The following CEP83 variants were observed in gnomAD, a reference collection of about 807,000 sequenced individuals.
CEP83 encodes the protein centrosomal protein of 83 kDa.
In CEP83, 70 loss-of-function variants were observed where a neutral mutation model predicts 101.9. That is an observed-to-expected ratio of 0.69 (90% CI 0.57 to 0.84). The LOEUF (loss-of-function observed/expected upper bound fraction) is 0.84, where lower values mean the gene tolerates loss of function less well. Among genes scored for constraint, CEP83 ranks in the 40% least tolerant of loss-of-function variants. The pLI is 0.00. For synonymous variants in CEP83, 264 were observed against 267.9 expected (o/e 0.99, Z 0.14); for missense variants, 715 against 787.2 (o/e 0.91, Z 1.10).
intron 13 of CEP83, 54 bp downstream of exon 13, chr12:94,333,428 A>T: frequency 6.9e-7 from 1 of 1,458,564 alleles, no homozygotes; most frequent in Non-Finnish European, 9.4e-7. Context: ...TAAAATAAGT[A>T]CATGTTATAT....
the CEP83 span, among the ~76,000 whole-genome samples, chr12:94,269,136 T>C: frequency 6.6e-6 from 1 of 152,132 alleles, no homozygotes; most frequent in Non-Finnish European, 1.5e-5. Context: ...CAAGAGAAGG[T>C]TGACTTGTAA....
chr12:94,370,638 A>G (rs1460310915), intron 8 of CEP83, among the ~76,000 whole-genome samples: 3 of 151,720 alleles, frequency 2.0e-5, no homozygotes, highest in African/African-American at 7.3e-5. Context: ...TTGGCCTCCT[A>G]AAGTGCTAGG....
chr12:94,447,069 T>C (rs1042870635), intron 1 of CEP83, among the ~76,000 whole-genome samples: 1 of 152,242 alleles, frequency 6.6e-6, no homozygotes, highest in African/African-American at 2.4e-5. Context: ...CTAAAAATTC[T>C]ATATTCAGCA....
chr12:94,331,017 G>A lies in CEP83; in HGVS notation c.1707+683C>T, dbSNP rs371307011. 1.6e-4 allele frequency among the ~76,000 whole-genome samples: 25 copies of A among 151,944 alleles called. 1 individual carries two copies. The highest frequency in any genetic ancestry group is 7.7e-4 in the East Asian group (4 of 5,174). On this transcript the variant is annotated intron_variant, in intron 14 of 16. Transcript: ENST00000397809. Reference sequence around the variant, plus strand: ...CCTATAAGAGTTTATTAGGATGGACGCGGTAGCTCACACCTCTTAATCCCA... The same window carrying A: ...CCTATAAGAGTTTATTAGGATGGACACGGTAGCTCACACCTCTTAATCCCA...
At chr12:94,288,435 A>G in the CEP83 span, among the ~76,000 whole-genome samples, 1 of 152,218 alleles carries the variant, frequency 6.6e-6, no homozygotes, top group Non-Finnish European at 1.5e-5. Context: ...GGAGGAAGAC[A>G]GTCTCAGGGC....
At chr12:94,364,704 G>C (rs2060936328) in intron 11 of CEP83, among the ~76,000 whole-genome samples, 1 of 152,080 alleles carries the variant, frequency 6.6e-6, no homozygotes, top group Non-Finnish European at 1.5e-5. Flanking sequence ...AAACAGAATA[G>C]AAAGTCCAGA....
At chr12:94,291,548 A>G in the CEP83 span, among the ~76,000 whole-genome samples, 1 of 152,222 alleles carries the variant, frequency 6.6e-6, no homozygotes. Flanking sequence ...AATTCATATT[A>G]CCATAAAGCT....
intron 16 of CEP83, 37 bp from the exon 17 acceptor site, chr12:94,308,954 T>G (rs1431414254): frequency 1.4e-6 from 2 of 1,473,148 alleles, no homozygotes; most frequent in African/African-American, 2.8e-5. Flanking sequence ...CAAAAGAAAC[T>G]ATTAGAAAAA....
Position 94,375,925 on chromosome 12 carries a change from C to A in CEP83, c.894G>T (p.Leu298Phe), listed in dbSNP as rs1292462659. The part of the protein sequence containing the change: ...SEQNTFLINK[L>F]HKAEREINTL... Reference sequence around the variant, plus strand: ...TATTTATTTCTCGTTCAGCTTTATGCAATTTATTAATTAAAAAGGTATTTT... The same window carrying A: ...TATTTATTTCTCGTTCAGCTTTATGAAATTTATTAATTAAAAAGGTATTTT... The change falls in exon 8 of 17, where the codon TTG (leucine) becomes TTT (phenylalanine). Residue 298 changes from leucine (L) to phenylalanine (F), a missense_variant. Transcript: ENST00000397809. The A allele has an allele frequency of 1.4e-5, 21 of 1,524,888 alleles. No individual in the cohort carries two copies. Among genetic ancestry groups the A allele is most frequent in the Non-Finnish European group, 1.9e-5 (21 of 1,119,658 alleles). 94.5% of individuals were successfully genotyped at this position (1,524,888 alleles called of 1,614,324 possible). A position where few individuals can be genotyped will look rare whatever the true frequency, so the allele number is the denominator to read the frequency against.
chr12:94,282,574 T>G, the CEP83 span, among the ~76,000 whole-genome samples: 15,976 of 152,228 alleles, frequency 0.1, 990 homozygotes, highest in Admixed American at 0.16. Flanking sequence ...CATGAAGGGC[T>G]CTCACAGTGT....
At chr12:94,332,192 T>C (rs1004684238) in intron 13 of CEP83, among the ~76,000 whole-genome samples, 2 of 152,224 alleles carry the variant, frequency 1.3e-5, no homozygotes, top group Admixed American at 6.5e-5. Flanking sequence ...ATGTGAAGTA[T>C]AATAACCATC....
intron 2 of CEP83, chr12:94,424,441 A>C (rs186403754): frequency 6.2e-7 from 1 of 1,613,942 alleles, no homozygotes; most frequent in Non-Finnish European, 8.5e-7. Flanking sequence ...CAAAGCCAAC[A>C]CCTCTGCTGG....
At chr12:94,423,254 T>C (rs756023739) in intron 2 of CEP83, among the ~76,000 whole-genome samples, 1 of 152,206 alleles carries the variant, frequency 6.6e-6, no homozygotes, top group South Asian at 2.1e-4. Flanking sequence ...CCGGCTGATT[T>C]TGTATTTTTA....
intron 14 of CEP83, among the ~76,000 whole-genome samples, chr12:94,324,085 T>G (rs1047515164): frequency 1.3e-5 from 2 of 152,238 alleles, no homozygotes; most frequent in African/African-American, 4.8e-5. Context: ...TTTGCTAATA[T>G]TTAAGATTTT....
intron 2 of CEP83, among the ~76,000 whole-genome samples, chr12:94,429,407 G>T (rs191671627): frequency 6.6e-6 from 1 of 152,152 alleles, no homozygotes; most frequent in Non-Finnish European, 1.5e-5. Context: ...GGGAGCTCAC[G>T]CTGGGGCACA....
chr12:94,343,174 C>A (rs906296359), intron 11 of CEP83, among the ~76,000 whole-genome samples: 8 of 151,458 alleles, frequency 5.3e-5, no homozygotes, highest in Non-Finnish European at 7.4e-5. Flanking sequence ...CATGTGTTTA[C>A]GTAACACAAT....
chr12:94,348,483 T>C (rs2060045448), intron 11 of CEP83, among the ~76,000 whole-genome samples: 1 of 152,082 alleles, frequency 6.6e-6, no homozygotes, highest in Admixed American at 6.5e-5. Context: ...AGTCTTCTCT[T>C]ATTCTATGCA....
intron 2 of CEP83, among the ~76,000 whole-genome samples, chr12:94,413,550 T>G (rs772598050): frequency 1.3e-5 from 2 of 152,150 alleles, no homozygotes; most frequent in African/African-American, 2.4e-5. Flanking sequence ...TTGAAGGGTC[T>G]TTTACTTGAC....
chr12:94,457,421 A>G (rs760434053), intron 1 of CEP83, among the ~76,000 whole-genome samples: 18 of 152,218 alleles, frequency 1.2e-4, no homozygotes, highest in Non-Finnish European at 2.5e-4. Flanking sequence ...GGGTGGGGAA[A>G]TTCTGACAAT....
Sources: gnomAD v4.1 joint callset for allele counts (sites outside exome capture counted in the v4.1 genomes callset) on GRCh38, gnomAD v4.1.1 for gene constraint, MANE v1.5 for transcripts, NCBI Gene and HGNC (gene_info 2026-07-23, HGNC 2026-07-21) for gene names.